Variants in ARMC8 observed in about 807,000 individuals in gnomAD.
The protein encoded by ARMC8 is armadillo repeat-containing protein 8.
ARMC8 carries 20 observed loss-of-function variants against 99.3 expected under a neutral mutation model. The ratio of observed to expected loss-of-function variants is 0.20; its 90% CI spans 0.14 to 0.29. The LOEUF (loss-of-function observed/expected upper bound fraction) is 0.29. Ranked by LOEUF, ARMC8 falls within the 10% of genes least tolerant of loss-of-function variation. The pLI, the probability that ARMC8 is intolerant of heterozygous loss-of-function variation, is 1.00. For missense variants in ARMC8, 569 were observed against 809.5 expected (o/e 0.70, Z 3.60); for synonymous variants, 263 against 278.3 (o/e 0.95, Z 0.55).
intron 21 of ARMC8, among the ~76,000 whole-genome samples, chr3:138,293,477 C>T (rs2051179392): frequency 6.6e-6 from 1 of 151,558 alleles, no homozygotes; most frequent in Admixed American, 6.6e-5. Flanking sequence ...AGGCAGAGAT[C>T]GTGGTGAGCC....
chr3:138,286,140 A>G lies in ARMC8; in HGVS notation c.1821+1614A>G, dbSNP rs189997718. Among the ~76,000 whole-genome samples, 9 of 152,216 alleles carry G rather than the reference A, an allele frequency of 5.9e-5. No homozygotes were observed. In the East Asian group the frequency reaches 1.5e-3, roughly 26 times the overall value. On this transcript the variant is annotated intron_variant, in intron 19 of 21. Coordinates refer to ENST00000469044, the MANE Select transcript of ARMC8 (RefSeq NM_001363941.2). Reference sequence around the variant, plus strand: ...GTATTTTTAGAAGAGATGGGGTTTCACCATGTTGGCCAGGCTGGTCTCAAA... The same window carrying G: ...GTATTTTTAGAAGAGATGGGGTTTCGCCATGTTGGCCAGGCTGGTCTCAAA...
chr3:138,244,482 G>A (rs2046788646), intron 11 of ARMC8, among the ~76,000 whole-genome samples: 1 of 152,078 alleles, frequency 6.6e-6, no homozygotes, highest in Non-Finnish European at 1.5e-5. Context: ...GTTTTATCGT[G>A]TTAGCCAGGA....
In ARMC8 at chr3:138,265,331, T is replaced by C. The variant is rs549484844; in HGVS notation, c.1299+1119T>C. On this transcript the variant is annotated intron_variant, in intron 14 of 21. Coordinates refer to ENST00000469044, the MANE Select transcript of ARMC8 (RefSeq NM_001363941.2). Reference sequence around the variant, plus strand: ...GCATGTATCAAGTGGCTGCTAATAATGTTATCCCCTGATACACTACAAAAC... The same window carrying C: ...GCATGTATCAAGTGGCTGCTAATAACGTTATCCCCTGATACACTACAAAAC... Among the ~76,000 whole-genome samples the C allele has an allele frequency of 2.0e-5, 3 of 152,350 alleles. No individual in the cohort carries two copies. In the South Asian group the frequency reaches 6.2e-4, roughly 32 times the overall value.
At chr3:138,290,321 G>A (rs1468423064) in intron 20 of ARMC8, among the ~76,000 whole-genome samples, 1 of 152,158 alleles carries the variant, frequency 6.6e-6, no homozygotes, top group Non-Finnish European at 1.5e-5. Context: ...GCAGAACCCA[G>A]GATAGACTGC....
At chr3:138,235,516 A>T (rs1225504398) in intron 7 of ARMC8, among the ~76,000 whole-genome samples, 1 of 152,200 alleles carries the variant, frequency 6.6e-6, no homozygotes, top group African/African-American at 2.4e-5. Context: ...AGCATTTAAA[A>T]TGTGTTATGT....
At chr3:138,222,693 A>ATACT (rs1196179738) in intron 3 of ARMC8, among the ~76,000 whole-genome samples, 3 of 152,228 alleles carry the variant, frequency 2.0e-5, no homozygotes, top group Non-Finnish European at 4.4e-5. Flanking sequence ...CCTCAAACAT[A>ATACT]TACTTTAGTA....
intron 18 of ARMC8, 66 bp downstream of exon 18, chr3:138,274,610 C>T (rs1218872967): frequency 1.7e-6 from 2 of 1,183,084 alleles, no homozygotes; most frequent in Non-Finnish European, 2.5e-6. Context: ...TCTTAAGAGT[C>T]TCCTGAAATA....
At position 138,273,012 on chromosome 3, in the gene ARMC8, C is replaced by T; in HGVS notation, c.1525C>T (p.Arg509Ter). 6.2e-7 allele frequency: 1 copy of T among 1,605,840 alleles called. No homozygotes were observed. Among genetic ancestry groups the T allele is most frequent in the Non-Finnish European group, 8.5e-7 (1 of 1,176,158 alleles). The change falls in exon 17 of 22, where the codon CGA becomes TGA. Residue 509 changes from arginine to a stop codon, truncating the protein, a stop_gained. Transcript: ENST00000469044. LOFTEE classifies it high-confidence loss of function. ...ACAAAAAATAAAAGCAGATATTTTA[C>T]GAAGCTTGAGTACTGAACAGCTATT... ...AEQKIKADIL[R>*]SLSTEQLFRL...
chr3:138,226,802 T>G (rs183369815), intron 5 of ARMC8, among the ~76,000 whole-genome samples: 100 of 152,268 alleles, frequency 6.6e-4, no homozygotes, highest in Non-Finnish European at 1.2e-3. Flanking sequence ...GGTGCACCAT[T>G]TGGAAAATTC....
At chr3:138,238,716 C>CT (rs758942598) in intron 9 of ARMC8, 4 of 152,138 alleles carry the variant, frequency 2.6e-5, no homozygotes, top group Non-Finnish European at 5.9e-5. Flanking sequence ...TTTCAGCCGT[C>CT]TACAATATAA....
At chr3:138,231,285 T>C (rs1264624053) in intron 6 of ARMC8, among the ~76,000 whole-genome samples, 2 of 151,840 alleles carry the variant, frequency 1.3e-5, no homozygotes, top group African/African-American at 4.9e-5. Flanking sequence ...TGTTGTTCTT[T>C]TTTTGCATAT....
intron 2 of ARMC8, among the ~76,000 whole-genome samples, chr3:138,216,084 T>C (rs1039289638): frequency 1.3e-5 from 2 of 150,632 alleles, no homozygotes; most frequent in Non-Finnish European, 3.0e-5. Context: ...AGATGGGGTT[T>C]CATTATGTTG....
At chr3:138,206,330 C>T (rs1379347167) in intron 1 of ARMC8, among the ~76,000 whole-genome samples, 1 of 152,202 alleles carries the variant, frequency 6.6e-6, no homozygotes, top group East Asian at 1.9e-4. Flanking sequence ...TTTCAAATTT[C>T]AATTGCCATA....
intron 2 of ARMC8, among the ~76,000 whole-genome samples, chr3:138,216,654 C>T (rs2045061174): frequency 6.6e-6 from 1 of 152,184 alleles, no homozygotes; most frequent in Non-Finnish European, 1.5e-5. Flanking sequence ...TGCCCTTATT[C>T]TAGTTACCCA....
chr3:138,252,816 G>A (rs953416428), intron 12 of ARMC8, among the ~76,000 whole-genome samples: 1 of 135,408 alleles, frequency 7.4e-6, no homozygotes, highest in Non-Finnish European at 1.5e-5. Context: ...ACCAAACTTC[G>A]CATATGCCTG....
chr3:138,249,178 C>T (rs1171684492), intron 12 of ARMC8, among the ~76,000 whole-genome samples: 1 of 152,140 alleles, frequency 6.6e-6, no homozygotes, highest in African/African-American at 2.4e-5. Context: ...ATTAAGCACC[C>T]ATTATCTTAT....
At chr3:138,240,279 C>T (rs184952504) in intron 10 of ARMC8, among the ~76,000 whole-genome samples, 1 of 152,098 alleles carries the variant, frequency 6.6e-6, no homozygotes, top group Non-Finnish European at 1.5e-5. Flanking sequence ...TATGAGATCT[C>T]ACATTATCAT....
chr3:138,200,029 CT>C (rs1268290806), intron 1 of ARMC8, among the ~76,000 whole-genome samples: 1 of 152,174 alleles, frequency 6.6e-6, no homozygotes, highest in African/African-American at 2.4e-5. Flanking sequence ...TTTCCCAACC[CT>C]ATCAGACTCA....
chr3:138,246,567 A>G (rs1406939233), intron 12 of ARMC8: 1 of 985,670 alleles, frequency 1.0e-6, no homozygotes, highest in East Asian at 1.1e-4. Flanking sequence ...ATTAGGGCCC[A>G]TTAGAAACAG....
Sources: gnomAD v4.1 joint callset for allele counts (sites outside exome capture counted in the v4.1 genomes callset) on GRCh38, gnomAD v4.1.1 for gene constraint, MANE v1.5 for transcripts, NCBI Gene and HGNC (gene_info 2026-07-23, HGNC 2026-07-21) for gene names.